MYL10: variants seen among roughly 807,000 people sequenced by gnomAD.
The protein encoded by MYL10 is myosin regulatory light chain 10.
Under a neutral mutation model 21.9 loss-of-function variants are expected in MYL10, and 18 were observed. That is an observed-to-expected ratio of 0.82 (90% CI 0.57 to 1.22). MYL10 has a LOEUF of 1.22. MYL10 is among the 50% of genes most tolerant of loss of function. The pLI is 0.00. For missense variants in MYL10, 225 were observed against 230.4 expected (o/e 0.98, Z 0.15); for synonymous variants, 88 against 82.8 (o/e 1.06, Z -0.34).
chr7:101,627,951 T>C (rs1405492921), intron 1 of MYL10, among the ~76,000 whole-genome samples: 1 of 152,152 alleles, frequency 6.6e-6, no homozygotes, highest in Admixed American at 6.5e-5. Flanking sequence ...GACATCACCC[T>C]CTAGGAGGCT....
At chr7:101,625,331 C>T (rs1210771491) in intron 1 of MYL10, among the ~76,000 whole-genome samples, 5 of 152,224 alleles carry the variant, frequency 3.3e-5, no homozygotes, top group African/African-American at 4.8e-5. Context: ...CCCCCAGGGG[C>T]GCTGTGAGCC....
intron 1 of MYL10, among the ~76,000 whole-genome samples, chr7:101,625,399 C>T (rs1425988876): frequency 1.3e-5 from 2 of 152,136 alleles, no homozygotes; most frequent in African/African-American, 4.8e-5. Context: ...GGGAGGTGGA[C>T]GGGATGGCAC....
At chr7:101,619,584 C>T (rs1796652156) in intron 5 of MYL10, among the ~76,000 whole-genome samples, 2 of 152,062 alleles carry the variant, frequency 1.3e-5, no homozygotes, top group Admixed American at 6.5e-5. Flanking sequence ...GAATGGTGGC[C>T]CCTAAAAAGA....
chr7:101,614,591 T>A (rs552348864), intron 6 of MYL10, among the ~76,000 whole-genome samples: 6 of 152,160 alleles, frequency 3.9e-5, no homozygotes, highest in Non-Finnish European at 5.9e-5. Flanking sequence ...AGGGAGGGCT[T>A]GGGGTTACTC....
At chr7:101,628,325 G>A (rs1300757236) in intron 1 of MYL10, among the ~76,000 whole-genome samples, 1 of 152,146 alleles carries the variant, frequency 6.6e-6, no homozygotes, top group Non-Finnish European at 1.5e-5. Flanking sequence ...GCATGGTGGT[G>A]TGCTCTTGTA....
intron 2 of MYL10, 62 bp from the exon 3 acceptor site, chr7:101,624,083 A>G: frequency 1.3e-6 from 1 of 774,780 alleles, no homozygotes; most frequent in Non-Finnish European, 2.3e-6. Context: ...GCCCCTCGAG[A>G]CTGAGGACTG....
chr7:101,622,349 G>T, intron 4 of MYL10, 149 bp from the exon 5 acceptor site: 1 of 556,034 alleles, frequency 1.8e-6, no homozygotes. Flanking sequence ...ACTCTTTAGG[G>T]GGCATTTGGG....
At chr7:101,620,218 G>A (rs1430238035) in intron 5 of MYL10, among the ~76,000 whole-genome samples, 4 of 152,158 alleles carry the variant, frequency 2.6e-5, no homozygotes, top group African/African-American at 4.8e-5. Flanking sequence ...CCAGCTTCTT[G>A]GGAGGCTGAA....
intron 1 of MYL10, 42 bp from the exon 2 acceptor site, chr7:101,624,306 G>A (rs759761602): frequency 1.9e-5 from 29 of 1,508,470 alleles, no homozygotes; most frequent in Admixed American, 1.8e-4. Flanking sequence ...CCCCTGCCTC[G>A]AGGGTCAGCC....
In MYL10 at chr7:101,622,123, G is replaced by A; in HGVS notation, c.427C>T (p.Leu143=). The A allele has an allele frequency of 6.2e-7, 1 of 1,613,832 alleles. No individual in the cohort carries two copies. Among genetic ancestry groups the A allele is most frequent in the Non-Finnish European group, 8.5e-7 (1 of 1,179,824 alleles). Residue 143 remains leucine, a synonymous_variant, in exon 5 of 8, where the codon CTG becomes TTG. Coordinates refer to ENST00000223167, the MANE Select transcript of MYL10 (RefSeq NM_138403.5). ...TTCAGCTTCTCCCCAAACATGGTCAGGAACACCGTGAAGTTGATGGGTCCG... is the reference window on the plus strand; with the variant it reads ...TTCAGCTTCTCCCCAAACATGGTCAAGAACACCGTGAAGTTGATGGGTCCG... ...APGPINFTVF[L]TMFGEKLKGT... is the part of the protein sequence containing the mutation.
Position 101,624,242 on chromosome 7 carries a change from CT to C in MYL10, c.100del (p.Arg34GlufsTer37). The stretch of plus-strand genomic sequence containing the variant: ...GTTGGAGCTGGCGGTGCCTTCTGCT[CT>C]TTTCCGAGCTCTTCTCGGTGCCTGC... ...GLQAPRRARK[R>X]AEGTASSNVF... is the part of the protein sequence containing the mutation. On this transcript the variant is annotated frameshift_variant, in exon 2 of 8. Transcript: ENST00000223167. LOFTEE classifies it high-confidence loss of function. 6.2e-7 allele frequency: 1 copy of C among 1,613,720 alleles called. No individual in the cohort carries two copies. Among genetic ancestry groups the C allele is most frequent in the African/African-American group, 1.3e-5 (1 of 74,976 alleles).
At chr7:101,624,676 C>T (rs930755165) in intron 1 of MYL10, among the ~76,000 whole-genome samples, 7 of 152,170 alleles carry the variant, frequency 4.6e-5, no homozygotes, top group African/African-American at 1.4e-4. Context: ...AGAACAACTG[C>T]GCTCTTAGCC....
chr7:101,623,832 A>G (rs1456529921), intron 3 of MYL10, 88 bp downstream of exon 3: 4 of 218,910 alleles, frequency 1.8e-5, no homozygotes, highest in African/African-American at 9.5e-5. Context: ...GTTCCAGACC[A>G]GCCTGGCCAA....
At chr7:101,628,666 C>A (rs80201568) in intron 1 of MYL10, among the ~76,000 whole-genome samples, 1 of 152,134 alleles carries the variant, frequency 6.6e-6, no homozygotes, top group Non-Finnish European at 1.5e-5. Context: ...AGCCCCAGCT[C>A]GGCCTCAGAG....
At chr7:101,615,670 C>A in intron 6 of MYL10, among the ~76,000 whole-genome samples, 1 of 148,178 alleles carries the variant, frequency 6.7e-6, no homozygotes, top group South Asian at 2.3e-4. Context: ...CACTAGGAAG[C>A]TCTCCTGGAG....
chr7:101,618,363 C>T (rs1796634041), intron 5 of MYL10, among the ~76,000 whole-genome samples: 1 of 152,226 alleles, frequency 6.6e-6, no homozygotes, highest in African/African-American at 2.4e-5. Context: ...GTGGGATTTG[C>T]CTCCGAGGCC....
chr7:101,623,794 G>T (rs1037079612), intron 3 of MYL10, 126 bp downstream of exon 3: 2 of 182,468 alleles, frequency 1.1e-5, no homozygotes, highest in East Asian at 3.5e-4. Flanking sequence ...TTGGGAGGCC[G>T]AGGCGGGTGG....
At chr7:101,628,283 T>C (rs1196736209) in intron 1 of MYL10, among the ~76,000 whole-genome samples, 4 of 148,486 alleles carry the variant, frequency 2.7e-5, no homozygotes, top group Non-Finnish European at 4.5e-5. Context: ...GTGAGACCCC[T>C]ATCTCTACAA....
intron 5 of MYL10, among the ~76,000 whole-genome samples, chr7:101,617,982 T>C (rs1414031983): frequency 6.6e-6 from 1 of 151,288 alleles, no homozygotes; most frequent in Non-Finnish European, 1.5e-5. Flanking sequence ...TCCTCCCCCA[T>C]CACACCAGAT....
Sources: allele counts gnomAD v4.1 joint callset (sites outside exome capture counted in the v4.1 genomes callset), GRCh38; gene constraint gnomAD v4.1.1; transcripts MANE v1.5; gene names NCBI Gene and HGNC (gene_info 2026-07-23, HGNC 2026-07-21).